LINGO2: variants seen among roughly 807,000 people sequenced by gnomAD.
LINGO2 encodes the protein leucine rich repeat and Ig domain containing 2.
In LINGO2, 14 loss-of-function variants were observed where a neutral mutation model predicts 30.6. That is an observed-to-expected ratio of 0.46 (90% confidence interval 0.30 to 0.72). The LOEUF (loss-of-function observed/expected upper bound fraction) is 0.72, where lower values mean the gene tolerates loss of function less well. Among genes scored for constraint, LINGO2 ranks in the 30% least tolerant of loss-of-function variants. The pLI, the probability that LINGO2 is intolerant of heterozygous loss-of-function variation, is 0.07. For synonymous variants in LINGO2, 317 were observed against 288.5 expected (o/e 1.10, Z -1.00); for missense variants, 729 against 751.7 (o/e 0.97, Z 0.35).
intron 2 of LINGO2, among the ~76,000 whole-genome samples, chr9:28,460,222 C>T (rs746755321): frequency 1.1e-4 from 16 of 152,224 alleles, no homozygotes; most frequent in South Asian, 1.0e-3. Flanking sequence ...TGGAATTATG[C>T]TTAATATAGG....
the LINGO2 span, among the ~76,000 whole-genome samples, chr9:28,969,756 T>C: frequency 1.3e-5 from 2 of 152,094 alleles, no homozygotes. Flanking sequence ...AGAGAGGAGA[T>C]TCAAGAATGA....
At chr9:29,181,968 T>C in the LINGO2 span, among the ~76,000 whole-genome samples, 1 of 152,212 alleles carries the variant, frequency 6.6e-6, no homozygotes, top group East Asian at 1.9e-4. Flanking sequence ...GTTGACACTA[T>C]GGTCTCTGTG....
the LINGO2 span, among the ~76,000 whole-genome samples, chr9:28,902,794 A>C: frequency 6.6e-6 from 1 of 152,118 alleles, no homozygotes; most frequent in African/African-American, 2.4e-5. Flanking sequence ...TGAGTCAACA[A>C]ATAAATTAAA....
At chr9:27,994,436 G>A (rs1470076453) in intron 5 of LINGO2, among the ~76,000 whole-genome samples, 1 of 152,142 alleles carries the variant, frequency 6.6e-6, no homozygotes, top group Admixed American at 6.5e-5. Context: ...AGAGTAGGCA[G>A]ATAGGTAGAC....
At chr9:28,003,553 A>G (rs920527836) in intron 5 of LINGO2, among the ~76,000 whole-genome samples, 10 of 152,070 alleles carry the variant, frequency 6.6e-5, no homozygotes, top group Admixed American at 5.9e-4. Context: ...CCGCCTCCCG[A>G]GTTCATGCCA....
In LINGO2 at chr9:28,479,911, G is replaced by GTATA. The variant is rs58972403; in HGVS notation, c.-364-3890_-364-3887dup. 2.7e-3 allele frequency among the ~76,000 whole-genome samples: 133 copies of GTATA among 49,726 alleles called. 1 individual carries two copies. Among genetic ancestry groups the GTATA allele is most frequent in the Admixed American group, 3.9e-3 (14 of 3,574 alleles). The allele number at this position is 49,726 out of a possible 152,430, so 32.6% of individuals were successfully genotyped here. The stretch of plus-strand genomic sequence containing the variant: ...TGTGTGTATGTGTATATATACGTAG[G>GTATA]TATATATATATATATATATATATAT... On this transcript the variant is annotated intron_variant, in intron 1 of 5. Transcript: ENST00000379992.
the LINGO2 span, among the ~76,000 whole-genome samples, chr9:29,119,537 A>G: frequency 0.46 from 68,972 of 149,408 alleles, 16,548 homozygotes; most frequent in Non-Finnish European, 0.53. Flanking sequence ...AATTGCTATA[A>G]TAAGTTCCCT....
At chr9:29,191,727 G>A in the LINGO2 span, among the ~76,000 whole-genome samples, 1 of 152,202 alleles carries the variant, frequency 6.6e-6, no homozygotes, top group South Asian at 2.1e-4. Context: ...TGCCATGCAT[G>A]TTTCGCTATT....
At chr9:28,943,233 A>G in the LINGO2 span, among the ~76,000 whole-genome samples, 1 of 152,192 alleles carries the variant, frequency 6.6e-6, no homozygotes, top group Non-Finnish European at 1.5e-5. Context: ...TGCCACTTAA[A>G]GATAACTGAG....
At chr9:28,637,504 T>C (rs1044855669) in intron 1 of LINGO2, among the ~76,000 whole-genome samples, 4 of 152,292 alleles carry the variant, frequency 2.6e-5, no homozygotes, top group Admixed American at 2.6e-4. Context: ...CGTTGAGCAG[T>C]GTTTTGTAAT....
At chr9:29,034,765 T>G in the LINGO2 span, among the ~76,000 whole-genome samples, 3 of 152,176 alleles carry the variant, frequency 2.0e-5, no homozygotes, top group Non-Finnish European at 4.4e-5. Context: ...TTTACTAATA[T>G]CCAGTCTCTG....
At chr9:28,663,591 A>G (rs959246638) in intron 1 of LINGO2, among the ~76,000 whole-genome samples, 1 of 152,216 alleles carries the variant, frequency 6.6e-6, no homozygotes, top group African/African-American at 2.4e-5. Context: ...AAGGCCCTAA[A>G]GAAAATGCAA....
chr9:28,625,515 G>T (rs1285583182), intron 1 of LINGO2, among the ~76,000 whole-genome samples: 1 of 152,006 alleles, frequency 6.6e-6, no homozygotes, highest in Non-Finnish European at 1.5e-5. Flanking sequence ...TTAAATTTTG[G>T]TGTTCCTGCA....
rs1476032866 is a variant in LINGO2, at chr9:28,610,846, A to G, written c.-365+59354T>C. Among the ~76,000 whole-genome samples, 3 of 152,182 alleles carry G rather than the reference A, an allele frequency of 2.0e-5. No individual in the cohort carries two copies. In the East Asian group the frequency reaches 5.8e-4, roughly 29 times the overall value. On this transcript the variant is annotated intron_variant, in intron 1 of 5. Coordinates refer to ENST00000379992, the Ensembl canonical transcript of LINGO2. Reference sequence around the variant, plus strand: ...TTAGTCAAGTAATCACTTTCTCCACATCTTTAGTAACTTTTAACCTTTTTT... The same window carrying G: ...TTAGTCAAGTAATCACTTTCTCCACGTCTTTAGTAACTTTTAACCTTTTTT...
At chr9:28,842,461 T>C in the LINGO2 span, among the ~76,000 whole-genome samples, 1 of 151,822 alleles carries the variant, frequency 6.6e-6, no homozygotes, top group Non-Finnish European at 1.5e-5. Flanking sequence ...GATAAAACTG[T>C]TGGAAATGAA....
In LINGO2 at chr9:28,148,264, T is replaced by C; in HGVS notation, c.-86-135859A>G. ...TGGGCACCCCACAGAGGGTCCTGTC[T>C]CCTGTGGTCTGGAGCCCCGCCTCAA... is the stretch of plus-strand genomic sequence containing the variant. On this transcript the variant is annotated intron_variant, in intron 4 of 5. Coordinates refer to ENST00000379992, the Ensembl canonical transcript of LINGO2. This position sits in a 1 kb window ranked among gnomAD's most constrained non-coding sequence, Gnocchi z 5.1. 1 of 762,402 alleles carries C rather than the reference T, an allele frequency of 1.3e-6. No homozygotes were observed. The highest frequency in any genetic ancestry group is 1.6e-5 in the South Asian group (1 of 60,778). 47.2% of individuals were successfully genotyped at this position (762,402 alleles called of 1,614,324 possible).
At chr9:28,590,877 T>C (rs1824862510) in intron 1 of LINGO2, among the ~76,000 whole-genome samples, 1 of 152,142 alleles carries the variant, frequency 6.6e-6, no homozygotes, top group Non-Finnish European at 1.5e-5. Flanking sequence ...ATTGTGGCAC[T>C]ATTCACAATA....
chr9:28,807,640 C>T, the LINGO2 span, among the ~76,000 whole-genome samples: 211 of 152,166 alleles, frequency 1.4e-3, 3 homozygotes, highest in African/African-American at 4.8e-3. Flanking sequence ...ATTGTAAAAA[C>T]AAATAATTGA....
intron 4 of LINGO2, among the ~76,000 whole-genome samples, chr9:28,243,921 A>G (rs1335823996): frequency 1.3e-5 from 2 of 152,318 alleles, no homozygotes; most frequent in East Asian, 1.9e-4. Context: ...AATCCATGAG[A>G]CAGAAAATTA....
Sources: gnomAD v4.1 joint callset for allele counts (sites outside exome capture counted in the v4.1 genomes callset) on GRCh38, gnomAD v4.1.1 for gene constraint, Gnocchi (gnomAD v3.1) non-coding constraint, MANE v1.5 for transcripts, NCBI Gene and HGNC (gene_info 2026-07-23, HGNC 2026-07-21) for gene names.